The following GOLGA1 variants were observed in gnomAD, a reference collection of about 807,000 sequenced individuals.
GOLGA1 encodes the protein golgin A1.
In GOLGA1, 63 loss-of-function variants were observed where a neutral mutation model predicts 119.7. That is an observed-to-expected ratio of 0.53 (90% CI 0.43 to 0.65). GOLGA1 has a LOEUF of 0.65. GOLGA1 is among the 30% of genes least tolerant of loss of function. The pLI is 0.00. For synonymous variants in GOLGA1, 318 were observed against 333.4 expected, an observed-to-expected ratio of 0.95 and a Z score of 0.50; for missense variants, 798 against 912.8, an observed-to-expected ratio of 0.87 and a Z score of 1.62.
At chr9:124,892,891 C>T (rs944949064) in intron 15 of GOLGA1, among the ~76,000 whole-genome samples, 19 of 146,084 alleles carry the variant, frequency 1.3e-4, no homozygotes, top group African/African-American at 4.1e-4. Flanking sequence ...GAGATCACGC[C>T]ATTGCACTCC....
chr9:124,898,532 T>C lies in GOLGA1; in HGVS notation c.1407+17A>G, dbSNP rs371663250. The C allele has an allele frequency of 4.9e-4, 684 of 1,386,486 alleles. No individual in the cohort carries two copies. The highest frequency in any genetic ancestry group is 6.8e-4 in the Admixed American group (39 of 57,698). The allele number at this position is 1,386,486 out of a possible 1,614,324, so 85.9% of individuals were successfully genotyped here. On this transcript the variant is annotated intron_variant, in intron 15 of 22. Coordinates refer to ENST00000373555, the MANE Select transcript of GOLGA1 (RefSeq NM_002077.4). ...CATGAACACTTTTATGAAACTTTGATTCAATTAGATAAATACCTTCAGCTT... is the reference window on the plus strand; with the variant it reads ...CATGAACACTTTTATGAAACTTTGACTCAATTAGATAAATACCTTCAGCTT...
At position 124,889,135 on chromosome 9, in the gene GOLGA1, G is replaced by T; in HGVS notation, c.1761+8C>A. 6.2e-7 allele frequency: 1 copy of T among 1,601,638 alleles called. No homozygotes were observed. ...TGTAGCACCCATGCAGGTGCAGCTG[G>T]GACTTACGTGCGACTCATTGACTGA... On this transcript the variant is annotated splice_region_variant and intron_variant, in intron 18 of 22. Coordinates refer to ENST00000373555, the MANE Select transcript of GOLGA1 (RefSeq NM_002077.4).
At chr9:124,915,902 GA>G (rs1830432725) in intron 10 of GOLGA1, among the ~76,000 whole-genome samples, 1 of 152,078 alleles carries the variant, frequency 6.6e-6, no homozygotes, top group South Asian at 2.1e-4. Flanking sequence ...AGGAGTTCAA[GA>G]CCAGCCTGAC....
intron 7 of GOLGA1, among the ~76,000 whole-genome samples, chr9:124,926,409 C>A (rs1830674130): frequency 6.6e-6 from 1 of 152,090 alleles, no homozygotes; most frequent in Non-Finnish European, 1.5e-5. Context: ...CTGGCTGAAC[C>A]CAACCGGATG....
chr9:124,938,465 G>A, intron 3 of GOLGA1, 112 bp downstream of exon 3: 2 of 857,120 alleles, frequency 2.3e-6, no homozygotes, highest in South Asian at 1.6e-5. Flanking sequence ...AGATGTACAG[G>A]CTCTTGTACA....
At chr9:124,913,641 C>A (rs1428070649) in intron 10 of GOLGA1, among the ~76,000 whole-genome samples, 2 of 152,150 alleles carry the variant, frequency 1.3e-5, no homozygotes, top group African/African-American at 4.8e-5. Flanking sequence ...AGATTTATGA[C>A]CCCACAATTC....
chr9:124,947,679 T>A (rs1831169056), intron 1 of GOLGA1: 1 of 152,228 alleles, frequency 6.6e-6, no homozygotes, highest in South Asian at 2.1e-4. Flanking sequence ...AGATTGCATG[T>A]AGCATCACAA....
At position 124,882,383 on chromosome 9, in the gene GOLGA1, G is replaced by A. The variant is rs138263980; in HGVS notation, c.1965+127C>T. 141 of 699,696 alleles carry A rather than the reference G, an allele frequency of 2.0e-4. 1 individual carries two copies. The highest frequency in any genetic ancestry group is 1.8e-3 in the Middle Eastern group (5 of 2,796). 43.3% of individuals were successfully genotyped at this position (699,696 alleles called of 1,614,324 possible). A position where few individuals can be genotyped will look rare whatever the true frequency, so the allele number is the denominator to read the frequency against. On this transcript the variant is annotated intron_variant, in intron 20 of 22. Transcript: ENST00000373555. Reference sequence around the variant, plus strand: ...CCACCAGCTAACGTTGGATTGCCCAGCGATCCCTTGCAATTAATTAGGGGG... The same window carrying A: ...CCACCAGCTAACGTTGGATTGCCCAACGATCCCTTGCAATTAATTAGGGGG...
At position 124,879,019 on chromosome 9, in the gene GOLGA1, CAGAG is replaced by C. The variant is rs1829511304; in HGVS notation, c.*1507_*1510del. On this transcript the variant is annotated 3_prime_UTR_variant, in exon 23 of 23. Coordinates refer to ENST00000373555, the MANE Select transcript of GOLGA1 (RefSeq NM_002077.4). ...CACTGGAGAAGCGGCCTCTGGAAGG[CAGAG>C]AGCCTGAGCTGGGACTAAGGAGATG... The C allele has an allele frequency of 1.3e-5, 2 of 152,316 alleles. No individual in the cohort carries two copies. The highest frequency in any genetic ancestry group is 4.2e-4 in the South Asian group (2 of 4,818). 9.4% of individuals were successfully genotyped at this position (152,316 alleles called of 1,614,324 possible).
Position 124,911,912 on chromosome 9 carries a change from G to C in GOLGA1, c.958C>G (p.Leu320Val). The C allele has an allele frequency of 1.2e-6, 2 of 1,612,234 alleles. No individual in the cohort carries two copies. The highest frequency in any genetic ancestry group is 8.5e-7 in the Non-Finnish European group (1 of 1,178,438). ...NLSGEEHLQE[L>V]LKEKTLAEQN... is the part of the protein sequence containing the mutation. ...AGAACAGAAGTTACCTCTTTCAGGAGTTCTTGCAAGTGTTCTTCTCCTGAT... is the reference window on the plus strand; with the variant it reads ...AGAACAGAAGTTACCTCTTTCAGGACTTCTTGCAAGTGTTCTTCTCCTGAT... Residue 320 changes from leucine (L) to valine (V), a missense_variant, in exon 11 of 23, where the codon CTC becomes GTC. Coordinates refer to ENST00000373555, the MANE Select transcript of GOLGA1 (RefSeq NM_002077.4).
intron 12 of GOLGA1, among the ~76,000 whole-genome samples, chr9:124,906,867 AAC>A (rs1471963471): frequency 1.3e-5 from 2 of 152,226 alleles, no homozygotes; most frequent in Non-Finnish European, 2.9e-5. Flanking sequence ...ATTTTAATAA[AAC>A]ACACAGAAAA....
chr9:124,929,684 C>T (rs1310376463), intron 4 of GOLGA1, among the ~76,000 whole-genome samples: 2 of 152,164 alleles, frequency 1.3e-5, no homozygotes, highest in Non-Finnish European at 2.9e-5. Flanking sequence ...CTAAACAGCT[C>T]GCTTATAGTC....
rs941921993 is a variant in GOLGA1 at position 124,941,016 on chromosome 9, T to C, written c.-251A>G. 1 of 152,292 alleles carries C rather than the reference T, an allele frequency of 6.6e-6. No individual in the cohort carries two copies. The highest frequency in any genetic ancestry group is 2.4e-5 in the African/African-American group (1 of 41,410). The allele number at this position is 152,292 out of a possible 1,614,324, so 9.4% of individuals were successfully genotyped here. Reference sequence around the variant, plus strand: ...AGCAAAGCCCCGCCTCCCGGGCCTCTCGTGAGCCCCGGCCCGCGTCACCAA... The same window carrying C: ...AGCAAAGCCCCGCCTCCCGGGCCTCCCGTGAGCCCCGGCCCGCGTCACCAA... On this transcript the variant is annotated 5_prime_UTR_variant, in exon 1 of 23. Transcript: ENST00000373555.
intron 19 of GOLGA1, among the ~76,000 whole-genome samples, chr9:124,884,168 C>T (rs1053466776): frequency 6.6e-5 from 10 of 152,152 alleles, no homozygotes; most frequent in South Asian, 4.1e-4. Context: ...TGTGCCACCA[C>T]GCCCAGCTAA....
intron 19 of GOLGA1, among the ~76,000 whole-genome samples, chr9:124,886,347 A>C (rs1337202039): frequency 1.3e-5 from 2 of 152,188 alleles, no homozygotes. Context: ...GGAGACGGAG[A>C]AGGAGCAGGC....
chr9:124,925,672 T>C (rs1196221825), intron 7 of GOLGA1, among the ~76,000 whole-genome samples: 3 of 150,622 alleles, frequency 2.0e-5, no homozygotes, highest in South Asian at 2.1e-4. Flanking sequence ...TGAGCTGTGA[T>C]TGTGCCACTC....
At position 124,898,642 on chromosome 9, in the gene GOLGA1, T is replaced by C. The variant is rs1167391498; in HGVS notation, c.1314A>G (p.Arg438=). ...GGGCTGCATTTTCTTGCTCCAGTTG[T>C]CTCTGCCAATTCAGAAGAACACATA... ...ADQTTAEQGM[R]QLEQENAALK... The change falls in exon 15 of 23, where the codon AGA becomes AGG. Residue 438 remains arginine (R), a splice_region_variant and synonymous_variant. Coordinates refer to ENST00000373555, the MANE Select transcript of GOLGA1 (RefSeq NM_002077.4). 2.5e-6 allele frequency: 4 copies of C among 1,586,932 alleles called. No homozygotes were observed. The highest frequency in any genetic ancestry group is 3.5e-6 in the Non-Finnish European group (4 of 1,155,704).
chr9:124,931,463 G>A (rs1028733462), intron 3 of GOLGA1, 57 bp from the exon 4 acceptor site: 2 of 820,348 alleles, frequency 2.4e-6, no homozygotes, highest in Non-Finnish European at 4.3e-6. Context: ...CCACAATACT[G>A]AGCCAGAAAG....
intron 8 of GOLGA1, 139 bp downstream of exon 8, chr9:124,922,954 TAC>T (rs1830599636): frequency 1.9e-6 from 1 of 534,258 alleles, no homozygotes; most frequent in African/African-American, 2.0e-5. Context: ...TTTAAAAACA[TAC>T]AAATATGATT....
Sources: allele counts gnomAD v4.1 joint callset (sites outside exome capture counted in the v4.1 genomes callset), GRCh38; gene constraint gnomAD v4.1.1; transcripts MANE v1.5; gene names NCBI Gene and HGNC (gene_info 2026-07-23, HGNC 2026-07-21).